Variants in DNAJC10 observed in about 807,000 individuals in gnomAD.
DNAJC10 encodes DnaJ heat shock protein family (Hsp40) member C10.
Under a neutral mutation model 115.0 loss-of-function variants are expected in DNAJC10, and 101 were observed. That is an observed-to-expected ratio of 0.88 (90% CI 0.75 to 1.04). The LOEUF is 1.04. DNAJC10 is among the 50% of genes least tolerant of loss of function. The pLI is 0.00. For synonymous variants in DNAJC10, 307 were observed against 301.5 expected (o/e 1.02, Z -0.19); for missense variants, 981 against 928.8 (o/e 1.06, Z -0.73).
intron 12 of DNAJC10, 55 bp from the exon 13 acceptor site, chr2:182,741,188 T>G (rs542505719): frequency 8.4e-7 from 1 of 1,195,552 alleles, no homozygotes; most frequent in African/African-American, 1.5e-5. Flanking sequence ...AAATGAAGAT[T>G]AGAACCCTTA....
chr2:182,760,328 T>A (rs76958086), intron 21 of DNAJC10, among the ~76,000 whole-genome samples: 3,837 of 152,332 alleles, frequency 0.025, 163 homozygotes, highest in African/African-American at 0.089. Flanking sequence ...CAGTGCATAT[T>A]AATTCTTTAT....
intron 5 of DNAJC10, among the ~76,000 whole-genome samples, chr2:182,727,616 A>G (rs1301364694): frequency 6.6e-6 from 1 of 152,218 alleles, no homozygotes; most frequent in East Asian, 1.9e-4. Context: ...TCTGTCTTAT[A>G]CTTGAAATGT....
At chr2:182,748,487 AT>A (rs1284025456) in intron 14 of DNAJC10, among the ~76,000 whole-genome samples, 1 of 152,064 alleles carries the variant, frequency 6.6e-6, no homozygotes, top group Non-Finnish European at 1.5e-5. Flanking sequence ...GAACTTATCC[AT>A]TTCTTCTAGA....
chr2:182,737,680 C>T (rs546660751), intron 11 of DNAJC10, among the ~76,000 whole-genome samples: 1 of 152,224 alleles, frequency 6.6e-6, no homozygotes, highest in Admixed American at 6.5e-5. Flanking sequence ...CAATATCTTC[C>T]TTAGGATATT....
chr2:182,739,290 G>GA (rs547556617), intron 11 of DNAJC10, among the ~76,000 whole-genome samples: 121 of 147,910 alleles, frequency 8.2e-4, no homozygotes, highest in Middle Eastern at 3.6e-3. Flanking sequence ...GAATCTTAGG[G>GA]AAAAAACCTG....
chr2:182,757,333 C>T (rs1694181174), intron 18 of DNAJC10, among the ~76,000 whole-genome samples: 1 of 152,162 alleles, frequency 6.6e-6, no homozygotes, highest in South Asian at 2.1e-4. Flanking sequence ...GTCAGTATAA[C>T]ACATTAGACA....
intron 11 of DNAJC10, 142 bp from the exon 12 acceptor site, chr2:182,740,155 AAG>A: frequency 8.5e-7 from 1 of 1,170,356 alleles, no homozygotes; most frequent in South Asian, 2.7e-5. Flanking sequence ...TTTTTGAAAA[AAG>A]ACATTTGGAA....
At position 182,784,109 on chromosome 2, in the gene DNAJC10, T is replaced by G. The variant is rs1271064844; in HGVS notation, c.*6977T>G. ...TTGGGAGGCCAAGTGGAAGGATCAC[T>G]TAAGGCCAGGAGTTCAAGACCAGCC... On this transcript the variant is annotated 3_prime_UTR_variant, in exon 24 of 24. Transcript: ENST00000264065. 1 of 152,042 alleles carries G rather than the reference T, an allele frequency of 6.6e-6. No homozygotes were observed. Among genetic ancestry groups the G allele is most frequent in the Non-Finnish European group, 1.5e-5 (1 of 68,004 alleles). The allele number at this position is 152,042 out of a possible 1,614,324, so 9.4% of individuals were successfully genotyped here.
rs1695108194 is a variant in DNAJC10, at chr2:182,794,426, A to AAAAAACATAG, written c.*17294_*17295insAAAAACATAG. 6.6e-6 allele frequency: 1 copy of AAAAAACATAG among 152,190 alleles called. No homozygotes were observed. The highest frequency in any genetic ancestry group is 6.5e-5 in the Admixed American group (1 of 15,274). The allele number at this position is 152,190 out of a possible 1,614,324, so 9.4% of individuals were successfully genotyped here. ...TTGCAGTGAGCTATGTTTTTTTATA[A>AAAAAACATAG]CATGTAGAAGTGAAATAAACTTGTC... On this transcript the variant is annotated 3_prime_UTR_variant, in exon 24 of 24. Coordinates refer to ENST00000264065, the MANE Select transcript of DNAJC10 (RefSeq NM_018981.4).
At chr2:182,761,562 G>T (rs1694285539) in intron 21 of DNAJC10, among the ~76,000 whole-genome samples, 1 of 151,948 alleles carries the variant, frequency 6.6e-6, no homozygotes, top group Non-Finnish European at 1.5e-5. Flanking sequence ...GAAAGAAGGG[G>T]ACAAATACAA....
rs1473301886 is a variant in DNAJC10 at position 182,777,179 on chromosome 2, A to T, written c.*47A>T. The T allele has an allele frequency of 2.6e-6, 3 of 1,148,720 alleles. No homozygotes were observed. The highest frequency in any genetic ancestry group is 2.4e-6 in the Non-Finnish European group (2 of 827,198). 71.2% of individuals were successfully genotyped at this position (1,148,720 alleles called of 1,614,324 possible). A position where few individuals can be genotyped will look rare whatever the true frequency, so the allele number is the denominator to read the frequency against. The stretch of plus-strand genomic sequence containing the variant: ...AGTTTAAAAGAAATTCTGACAGATG[A>T]CATCAGAAGACACCTATTTAGAATG... On this transcript the variant is annotated 3_prime_UTR_variant, in exon 24 of 24. Transcript: ENST00000264065.
At position 182,723,037 on chromosome 2, in the gene DNAJC10, CTT is replaced by C. The variant is rs372893280; in HGVS notation, c.418+981_418+982del. On this transcript the variant is annotated intron_variant, in intron 5 of 23. Coordinates refer to ENST00000264065, the MANE Select transcript of DNAJC10 (RefSeq NM_018981.4). ...GTTTGTTCCTTCTAAGCAAGGGTGG[CTT>C]TTTTTTTTTTTTTTTTTTGAGACGG... Among the ~76,000 whole-genome samples the C allele has an allele frequency of 4.6e-3, 491 of 105,746 alleles. 2 individuals carry two copies. Among genetic ancestry groups the C allele is most frequent in the African/African-American group, 0.017 (473 of 27,138 alleles). The allele number at this position is 105,746 out of a possible 152,430, so 69.4% of individuals were successfully genotyped here.
chr2:182,740,464 A>G, intron 12 of DNAJC10, 76 bp downstream of exon 12: 1 of 1,347,236 alleles, frequency 7.4e-7, no homozygotes, highest in Non-Finnish European at 1.0e-6. Flanking sequence ...TAAAATTAGC[A>G]TTTGTTTTAT....
rs1695019196 is a variant in DNAJC10 at position 182,789,895 on chromosome 2, T to C, written c.*12763T>C. ...CGTTCATATCCCATTGGAGTTTTGA[T>C]TTGTACTTTTAGAGTCTTTAAATTA... On this transcript the variant is annotated 3_prime_UTR_variant, in exon 24 of 24. Coordinates refer to ENST00000264065, the MANE Select transcript of DNAJC10 (RefSeq NM_018981.4). 1 of 152,228 alleles carries C rather than the reference T, an allele frequency of 6.6e-6. No homozygotes were observed. Among genetic ancestry groups the C allele is most frequent in the Non-Finnish European group, 1.5e-5 (1 of 68,044 alleles). 9.4% of individuals were successfully genotyped at this position (152,228 alleles called of 1,614,324 possible).
At chr2:182,752,486 T>C (rs1156910191) in intron 16 of DNAJC10, 7 of 468,564 alleles carry the variant, frequency 1.5e-5, no homozygotes, top group Non-Finnish European at 2.0e-5. Context: ...AAGATTGTTA[T>C]ATTTCTTTAA....
Position 182,793,820 on chromosome 2 carries a change from T to TCACACACACACACACA in DNAJC10, c.*16718_*16733dup, listed in dbSNP as rs4018698. 2.2e-3 allele frequency: 298 copies of TCACACACACACACACA among 135,712 alleles called. 2 individuals carry two copies. Among genetic ancestry groups the TCACACACACACACACA allele is most frequent in the African/African-American group, 5.8e-3 (200 of 34,518 alleles). The allele number at this position is 135,712 out of a possible 1,614,324, so 8.4% of individuals were successfully genotyped here. A position where few individuals can be genotyped will look rare whatever the true frequency, so the allele number is the denominator to read the frequency against. Reference sequence around the variant, plus strand: ...TAAAATTTTCCAGAGAGGAAACACATCACACACACACACACACACACACAC... The same window carrying TCACACACACACACACA: ...TAAAATTTTCCAGAGAGGAAACACATCACACACACACACACACACACACACACACACACACACACAC... On this transcript the variant is annotated 3_prime_UTR_variant, in exon 24 of 24. Coordinates refer to ENST00000264065, the MANE Select transcript of DNAJC10 (RefSeq NM_018981.4).
chr2:182,765,241 G>A, intron 22 of DNAJC10, among the ~76,000 whole-genome samples: 1 of 152,010 alleles, frequency 6.6e-6, no homozygotes, highest in East Asian at 1.9e-4. Context: ...GAAAAAAAGG[G>A]GGATTACTAG....
Position 182,783,872 on chromosome 2 carries a change from G to A in DNAJC10, c.*6740G>A, listed in dbSNP as rs1694899171. On this transcript the variant is annotated 3_prime_UTR_variant, in exon 24 of 24. Coordinates refer to ENST00000264065, the MANE Select transcript of DNAJC10 (RefSeq NM_018981.4). ...CAAAGAACTCAAGAATGAATAACAT[G>A]ATCTATCAAAAGGCCTATAATCTCA... 6.6e-6 allele frequency: 1 copy of A among 152,008 alleles called. No homozygotes were observed. The highest frequency in any genetic ancestry group is 2.1e-4 in the South Asian group (1 of 4,818). 9.4% of individuals were successfully genotyped at this position (152,008 alleles called of 1,614,324 possible). A position where few individuals can be genotyped will look rare whatever the true frequency, so the allele number is the denominator to read the frequency against.
chr2:182,755,825 C>CTTTCTTGCCTCCATAACTCG (rs1694143206), intron 17 of DNAJC10, among the ~76,000 whole-genome samples: 1 of 152,172 alleles, frequency 6.6e-6, no homozygotes, highest in Non-Finnish European at 1.5e-5. Flanking sequence ...GACATCCAGG[C>CTTTCTTGCCTCCATAACTCG]AGCCCTTGAA....
Sources: allele counts gnomAD v4.1 joint callset (sites outside exome capture counted in the v4.1 genomes callset), GRCh38; gene constraint gnomAD v4.1.1; transcripts MANE v1.5; gene names NCBI Gene and HGNC (gene_info 2026-07-23, HGNC 2026-07-21).